The following JARID2 variants were observed in gnomAD, a reference collection of about 807,000 sequenced individuals.
JARID2 encodes the protein protein Jumonji.
Under a neutral mutation model 125.6 loss-of-function variants are expected in JARID2, and 21 were observed. The observed-to-expected ratio is 0.17, with a 90% confidence interval of 0.12 to 0.24. The LOEUF (loss-of-function observed/expected upper bound fraction) is 0.24. JARID2 is among the 10% of genes least tolerant of loss of function. JARID2 has a pLI of 1.00. For missense variants in JARID2, 1,303 were observed against 1,639.6 expected (o/e 0.79, Z 3.55); for synonymous variants, 736 against 661.6 (o/e 1.11, Z -1.73).
At chr6:15,494,931 C>T (rs969985235) in intron 6 of JARID2, among the ~76,000 whole-genome samples, 1 of 152,224 alleles carries the variant, frequency 6.6e-6, no homozygotes, top group Non-Finnish European at 1.5e-5. Context: ...GCACCTTCCT[C>T]TCGGGCTGTT....
At chr6:15,493,844 C>T (rs2237121) in intron 6 of JARID2, among the ~76,000 whole-genome samples, 58,975 of 152,116 alleles carry the variant, frequency 0.39, 11,611 homozygotes, top group East Asian at 0.5. Context: ...ATTAACAGTA[C>T]TTACCACGGA....
chr6:15,408,264 A>G (rs1474417327), intron 2 of JARID2, among the ~76,000 whole-genome samples: 1 of 152,196 alleles, frequency 6.6e-6, no homozygotes, highest in Non-Finnish European at 1.5e-5. Flanking sequence ...AAGCAAAAAG[A>G]AAAATTTGAA....
chr6:15,487,756 G>A (rs750278358), intron 6 of JARID2, among the ~76,000 whole-genome samples: 2 of 152,152 alleles, frequency 1.3e-5, no homozygotes, highest in African/African-American at 4.8e-5. Flanking sequence ...TTCATCCCTG[G>A]GTGCCACTGC....
At chr6:15,295,875 C>T (rs1293043358) in intron 1 of JARID2, among the ~76,000 whole-genome samples, 4 of 152,080 alleles carry the variant, frequency 2.6e-5, no homozygotes, top group Admixed American at 2.6e-4. Context: ...ATTGGCCAGG[C>T]TGGTCTCGAA....
intron 3 of JARID2, among the ~76,000 whole-genome samples, chr6:15,428,940 C>CCAA (rs1554135863): frequency 4.3e-5 from 5 of 116,876 alleles, no homozygotes; most frequent in African/African-American, 9.0e-5. Context: ...ACCCCCCCCC[C>CCAA]AAAAAAAAAA....
chr6:15,408,199 C>T (rs912401685), intron 2 of JARID2, among the ~76,000 whole-genome samples: 1 of 152,168 alleles, frequency 6.6e-6, no homozygotes, highest in Non-Finnish European at 1.5e-5. Flanking sequence ...CTGCAATAAG[C>T]TATGGTTGCG....
chr6:15,496,431 C>T lies in JARID2; in HGVS notation c.1206C>T (p.Pro402=), dbSNP rs742099. The part of the protein sequence containing the change: ...SLGGASKSTG[P]AVNGLKVSGR... ...GGGGGGCGTCCAAGTCCACTGGGCC[C>T]GCCGTCAATGGCCTCAAGGTCAGTG... is the stretch of plus-strand genomic sequence containing the variant. Residue 402 remains proline, a synonymous_variant, in exon 7 of 18, where the codon CCC becomes CCT. Transcript: ENST00000341776. 383,332 of 1,613,708 alleles carry T rather than the reference C, an allele frequency of 0.24. 47,502 individuals carry two copies. Among genetic ancestry groups the T allele is most frequent in the Middle Eastern group, 0.34 (2,068 of 6,062 alleles).
chr6:15,514,358 G>C (rs1404700711), intron 16 of JARID2, among the ~76,000 whole-genome samples: 1 of 152,234 alleles, frequency 6.6e-6, no homozygotes, highest in Non-Finnish European at 1.5e-5. Flanking sequence ...CCTTTCCACA[G>C]TGCCTCACAT....
At chr6:15,324,779 G>A (rs1267005341) in intron 1 of JARID2, among the ~76,000 whole-genome samples, 1 of 150,946 alleles carries the variant, frequency 6.6e-6, no homozygotes, top group Non-Finnish European at 1.5e-5. Context: ...GTGAGCCACC[G>A]CTCCCGCCAA....
intron 16 of JARID2, among the ~76,000 whole-genome samples, chr6:15,513,799 G>A (rs572580180): frequency 3.9e-5 from 6 of 152,376 alleles, no homozygotes; most frequent in South Asian, 2.1e-4. Context: ...ACTGGGCAGC[G>A]TCTGCCATTC....
At chr6:15,467,098 G>A (rs1203297636) in intron 4 of JARID2, among the ~76,000 whole-genome samples, 3 of 152,242 alleles carry the variant, frequency 2.0e-5, no homozygotes, top group African/African-American at 4.8e-5. Flanking sequence ...TCATGAAGAT[G>A]CCTGTAGGAA....
chr6:15,259,120 A>G (rs913852327), intron 1 of JARID2, among the ~76,000 whole-genome samples: 1 of 152,154 alleles, frequency 6.6e-6, no homozygotes, highest in Admixed American at 6.5e-5. Context: ...GGATGAGGGT[A>G]GTGTTCACAG....
rs756863900 is a variant in JARID2 at position 15,468,596 on chromosome 6, A to T, written c.548A>T (p.Glu183Val). Residue 183 changes from glutamate (E) to valine (V), a missense_variant, in exon 5 of 18, where the codon GAG (glutamate) becomes GTG (valine). Coordinates refer to ENST00000341776, the MANE Select transcript of JARID2 (RefSeq NM_004973.4). ...TATTTTGGAAGCTCTCAGGATGAGG[A>T]GGAAGTCGAGGAGGAAGATGATGAG... Reference protein sequence around the residue: ...MVYFGSSQDEEEVEEEDDETE... With the variant: ...MVYFGSSQDEVEVEEEDDETE... 8.7e-6 allele frequency: 14 copies of T among 1,614,074 alleles called. No individual in the cohort carries two copies. The South Asian group carries it at 1.4e-4, about 16-fold the overall frequency.
At chr6:15,510,452 C>T (rs1771221543) in intron 12 of JARID2, among the ~76,000 whole-genome samples, 1 of 152,234 alleles carries the variant, frequency 6.6e-6, no homozygotes, top group Non-Finnish European at 1.5e-5. Context: ...CTCCTCCCCT[C>T]CCTGTGATTG....
Position 15,257,197 on chromosome 6 carries a change from T to C in JARID2, c.45+10613T>C, listed in dbSNP as rs115261990. ...TATTCATGGTAACTGCAGTAATTGA[T>C]TCATTTTCATGGAAAAATAAAATCC... On this transcript the variant is annotated intron_variant, in intron 1 of 17. Transcript: ENST00000341776. Among the ~76,000 whole-genome samples, 668 of 152,330 alleles carry C rather than the reference T, an allele frequency of 4.4e-3. 5 individuals are homozygous for C. The highest frequency in any genetic ancestry group is 0.015 in the African/African-American group (632 of 41,578).
intron 1 of JARID2, among the ~76,000 whole-genome samples, chr6:15,355,111 A>G (rs144588777): frequency 6.6e-6 from 1 of 152,322 alleles, no homozygotes; most frequent in East Asian, 1.9e-4. Flanking sequence ...AGGAGGAGAG[A>G]AAACCTTACA....
intron 1 of JARID2, among the ~76,000 whole-genome samples, chr6:15,269,158 G>T (rs1182953275): frequency 6.6e-6 from 1 of 152,118 alleles, no homozygotes; most frequent in Non-Finnish European, 1.5e-5. Context: ...GAGGAAAACC[G>T]TTAAATAGCT....
chr6:15,497,629 T>C lies in JARID2; in HGVS notation c.1945+459T>C, dbSNP rs1053476387. 3.7e-4 allele frequency among the ~76,000 whole-genome samples: 50 copies of C among 134,736 alleles called. No individual in the cohort carries two copies. The South Asian group carries it at 5.7e-3, about 15-fold the overall frequency. The allele number at this position is 134,736 out of a possible 152,430, so 88.4% of individuals were successfully genotyped here. A position where few individuals can be genotyped will look rare whatever the true frequency, so the allele number is the denominator to read the frequency against. ...TCACACCACTGCACTCCAGCCTGGG[T>C]GACAGAGTGAGATTCCGTCTCAAAA... is the stretch of plus-strand genomic sequence containing the variant. On this transcript the variant is annotated intron_variant, in intron 7 of 17. Coordinates refer to ENST00000341776, the MANE Select transcript of JARID2 (RefSeq NM_004973.4).
chr6:15,510,671 C>T (rs1290845905), intron 12 of JARID2, among the ~76,000 whole-genome samples: 1 of 152,070 alleles, frequency 6.6e-6, no homozygotes, highest in African/African-American at 2.4e-5. Context: ...ACACGTAAAA[C>T]TCTCCAGTGG....
Sources: gnomAD v4.1 joint callset for allele counts (sites outside exome capture counted in the v4.1 genomes callset) on GRCh38, gnomAD v4.1.1 for gene constraint, MANE v1.5 for transcripts, NCBI Gene and HGNC (gene_info 2026-07-23, HGNC 2026-07-21) for gene names.